LINGO2: variants seen among roughly 807,000 people sequenced by gnomAD.
LINGO2 encodes leucine rich repeat and Ig domain containing 2.
A neutral mutation model predicts 30.6 loss-of-function variants in LINGO2; 14 were observed. The observed-to-expected ratio is 0.46, with a 90% CI of 0.30 to 0.72. The LOEUF is 0.72. Ranked by LOEUF, LINGO2 falls within the 30% of genes least tolerant of loss-of-function variation. The probability of loss-of-function intolerance (pLI) is 0.07; values close to 1 mark genes in which losing one functional copy is unlikely to be tolerated. For missense variants in LINGO2, 729 were observed against 751.7 expected, an observed-to-expected ratio of 0.97 and a Z score of 0.35; for synonymous variants, 317 against 288.5, an observed-to-expected ratio of 1.10 and a Z score of -1.00.
At chr9:28,236,171 G>A (rs1489175235) in intron 4 of LINGO2, among the ~76,000 whole-genome samples, 2 of 152,022 alleles carry the variant, frequency 1.3e-5, no homozygotes, top group Admixed American at 1.3e-4. Context: ...CCATGAGAGA[G>A]TGAAATGACA....
At chr9:27,966,110 C>T (rs867716971) in intron 5 of LINGO2, among the ~76,000 whole-genome samples, 1 of 151,964 alleles carries the variant, frequency 6.6e-6, no homozygotes, top group African/African-American at 2.4e-5. Context: ...AAATGTTGCT[C>T]ATTGTATGAC....
At chr9:28,012,701 G>A (rs572473958) in intron 4 of LINGO2, among the ~76,000 whole-genome samples, 1 of 152,164 alleles carries the variant, frequency 6.6e-6, no homozygotes, top group East Asian at 1.9e-4. Flanking sequence ...TATTTCAGTT[G>A]GGGTTTGTAG....
chr9:28,491,989 A>G (rs1023061975), intron 1 of LINGO2, among the ~76,000 whole-genome samples: 12 of 152,216 alleles, frequency 7.9e-5, no homozygotes, highest in African/African-American at 2.7e-4. Flanking sequence ...GTATCAAATT[A>G]TTATAAAGAG....
At chr9:28,811,755 C>T in the LINGO2 span, among the ~76,000 whole-genome samples, 2 of 151,962 alleles carry the variant, frequency 1.3e-5, no homozygotes, top group African/African-American at 4.8e-5. Context: ...ACTCTACTTC[C>T]TTCATGACCA....
intron 1 of LINGO2, among the ~76,000 whole-genome samples, chr9:28,508,884 T>G (rs1445107955): frequency 6.6e-6 from 1 of 152,120 alleles, no homozygotes; most frequent in Non-Finnish European, 1.5e-5. Context: ...TGAGCATAGA[T>G]GTCATCATCC....
chr9:28,988,924 G>T, the LINGO2 span, among the ~76,000 whole-genome samples: 1 of 152,118 alleles, frequency 6.6e-6, no homozygotes, highest in Non-Finnish European at 1.5e-5. Context: ...CTATGTTCTG[G>T]TCTATGGATA....
At chr9:27,965,400 A>C (rs1469746617) in intron 5 of LINGO2, among the ~76,000 whole-genome samples, 1 of 151,148 alleles carries the variant, frequency 6.6e-6, no homozygotes, top group Non-Finnish European at 1.5e-5. Flanking sequence ...GATTTTTTCC[A>C]GTAACGCTTC....
chr9:29,095,360 A>C, the LINGO2 span, among the ~76,000 whole-genome samples: 3 of 138,614 alleles, frequency 2.2e-5, 1 homozygote, highest in East Asian at 7.4e-4. Flanking sequence ...TTATATAACA[A>C]GTCAAAATTT....
At chr9:28,902,207 G>A in the LINGO2 span, among the ~76,000 whole-genome samples, 1 of 152,002 alleles carries the variant, frequency 6.6e-6, no homozygotes, top group Non-Finnish European at 1.5e-5. Context: ...AAGAGAGCAG[G>A]TATAGCTATG....
At chr9:28,689,046 C>T in the LINGO2 span, among the ~76,000 whole-genome samples, 1,081 of 152,268 alleles carry the variant, frequency 7.1e-3, 11 homozygotes, top group Middle Eastern at 0.017. Flanking sequence ...ATGGTAAAGA[C>T]GACAGGATGT....
chr9:28,498,499 C>T lies in LINGO2; in HGVS notation c.-364-22474G>A, dbSNP rs539959232. Reference sequence around the variant, plus strand: ...CTCCTGGTGTGCCGTTTGCTAAGACCATTGGAAAGGACAGTAGAAGGGTGG... The same window carrying T: ...CTCCTGGTGTGCCGTTTGCTAAGACTATTGGAAAGGACAGTAGAAGGGTGG... On this transcript the variant is annotated intron_variant, in intron 1 of 5. Transcript: ENST00000379992. 3.3e-5 allele frequency among the ~76,000 whole-genome samples: 5 copies of T among 152,274 alleles called. No individual in the cohort carries two copies. In the East Asian group the frequency reaches 7.7e-4, roughly 24 times the overall value.
chr9:28,401,326 C>G (rs986010052), intron 2 of LINGO2, among the ~76,000 whole-genome samples: 9 of 152,022 alleles, frequency 5.9e-5, no homozygotes, highest in Admixed American at 1.3e-4. Flanking sequence ...GTCTTGTTCC[C>G]CTCCCTGTGT....
intron 4 of LINGO2, among the ~76,000 whole-genome samples, chr9:28,055,129 C>A (rs1824864352): frequency 6.6e-6 from 1 of 152,094 alleles, no homozygotes; most frequent in South Asian, 2.1e-4. Flanking sequence ...CATTTCAAAG[C>A]AAAATGCTGA....
chr9:29,076,643 A>ATG, the LINGO2 span, among the ~76,000 whole-genome samples: 1 of 147,766 alleles, frequency 6.8e-6, no homozygotes, highest in East Asian at 1.9e-4. Flanking sequence ...ATATATATAT[A>ATG]TAAAATAAAT....
At chr9:28,110,021 C>A (rs570487614) in intron 4 of LINGO2, among the ~76,000 whole-genome samples, 8 of 151,936 alleles carry the variant, frequency 5.3e-5, no homozygotes, top group Non-Finnish European at 1.0e-4. Flanking sequence ...TAACCAAAAC[C>A]GCATGGTACT....
At chr9:28,068,950 C>T (rs1825393634) in intron 4 of LINGO2, among the ~76,000 whole-genome samples, 1 of 152,126 alleles carries the variant, frequency 6.6e-6, no homozygotes, top group Admixed American at 6.6e-5. Flanking sequence ...TCATGCTGCC[C>T]TTTCGGAGCT....
At chr9:29,163,075 T>C in the LINGO2 span, among the ~76,000 whole-genome samples, 2 of 152,166 alleles carry the variant, frequency 1.3e-5, no homozygotes, top group Non-Finnish European at 2.9e-5. Flanking sequence ...TGTGACGGCA[T>C]AAATCATTCT....
Position 28,478,470 on chromosome 9 carries a change from A to G in LINGO2, c.-364-2445T>C, listed in dbSNP as rs183538721. On this transcript the variant is annotated intron_variant, in intron 1 of 5. Coordinates refer to ENST00000379992, the Ensembl canonical transcript of LINGO2. Reference sequence around the variant, plus strand: ...TCTAGGGTAGGGCTGCAGAATCTGTATCCATCACATAGGTTACTCTGATGG... The same window carrying G: ...TCTAGGGTAGGGCTGCAGAATCTGTGTCCATCACATAGGTTACTCTGATGG... Among the ~76,000 whole-genome samples, 209 of 152,192 alleles carry G rather than the reference A, an allele frequency of 1.4e-3. 2 individuals are homozygous for G. Among genetic ancestry groups the G allele is most frequent in the African/African-American group, 4.7e-3 (195 of 41,558 alleles).
chr9:29,004,948 T>C, the LINGO2 span, among the ~76,000 whole-genome samples: 1 of 152,050 alleles, frequency 6.6e-6, no homozygotes, highest in African/African-American at 2.4e-5. Context: ...ATCCTTTGTA[T>C]GACTGTTGTA....
Sources: gnomAD v4.1 joint callset for allele counts (sites outside exome capture counted in the v4.1 genomes callset) on GRCh38, gnomAD v4.1.1 for gene constraint, MANE v1.5 for transcripts, NCBI Gene and HGNC (gene_info 2026-07-23, HGNC 2026-07-21) for gene names.